TCF20: variants seen among roughly 807,000 people sequenced by gnomAD.
The protein encoded by TCF20 is SPRE-binding protein.
A neutral mutation model predicts 148.6 loss-of-function variants in TCF20; 3 were observed. The observed-to-expected ratio is 0.02, with a 90% CI of 0.01 to 0.05. The LOEUF (loss-of-function observed/expected upper bound fraction) is 0.05, where lower values mean the gene tolerates loss of function less well. Among genes scored for constraint, TCF20 ranks in the 10% least tolerant of loss-of-function variants. The pLI is 1.00. For synonymous variants in TCF20, 1,049 were observed against 909.5 expected, an observed-to-expected ratio of 1.15 and a Z score of -2.76; for missense variants, 2,350 against 2,429.3, an observed-to-expected ratio of 0.97 and a Z score of 0.69.
chr22:42,173,240 A>C (rs1679445055), intron 3 of TCF20, among the ~76,000 whole-genome samples: 1 of 128,632 alleles, frequency 7.8e-6, no homozygotes. Context: ...TAAATACATT[A>C]ATTAAAAAAA....
intron 2 of TCF20, among the ~76,000 whole-genome samples, chr22:42,183,571 T>TC (rs1478383992): frequency 6.6e-6 from 1 of 152,094 alleles, no homozygotes; most frequent in Non-Finnish European, 1.5e-5. Context: ...AAGCATGTTC[T>TC]CCCCTAAGAC....
intron 1 of TCF20, among the ~76,000 whole-genome samples, chr22:42,335,741 G>A (rs979676427): frequency 1.3e-5 from 2 of 152,304 alleles, no homozygotes; most frequent in Admixed American, 1.3e-4. Context: ...TGCGGCAGAA[G>A]CACAGGACGT....
At chr22:42,313,791 G>C (rs1457467924) in intron 1 of TCF20, among the ~76,000 whole-genome samples, 4 of 152,112 alleles carry the variant, frequency 2.6e-5, no homozygotes, top group South Asian at 4.2e-4. Context: ...GTAGAGACAG[G>C]GTTTCGCCAA....
chr22:42,163,782 C>T (rs1044580258), intron 5 of TCF20, among the ~76,000 whole-genome samples: 8 of 152,208 alleles, frequency 5.3e-5, no homozygotes. Flanking sequence ...CGCCCCTGTG[C>T]TGAAGACTGT....
At chr22:42,298,659 T>G (rs1314848427) in intron 1 of TCF20, among the ~76,000 whole-genome samples, 1 of 152,200 alleles carries the variant, frequency 6.6e-6, no homozygotes, top group Non-Finnish European at 1.5e-5. Flanking sequence ...ACATCCCCTG[T>G]GGATAGCTGG....
At position 42,212,042 on chromosome 22, in the gene TCF20, C is replaced by G; in HGVS notation, c.3264G>C (p.Gln1088His). ...ACTCCTCTGGTTGCTGTTGGTACAT[C>G]TGTCTCTTATAATGCAGCTGAGAAT... ...GLNSQLHYKR[Q>H]MYQQQPEEYK... The change falls in exon 2 of 6, where the codon CAG (glutamine) becomes CAC (histidine). Residue 1088 changes from glutamine to histidine, a missense_variant. Physicochemically the swap from Gln to His is conservative, Grantham distance 24. This residue lies in a region of TCF20 where 1,641 missense variants were observed against 1,662.6 expected (regional missense o/e 0.99). Coordinates refer to ENST00000677622, the MANE Select transcript of TCF20 (RefSeq NM_001378418.1). 1 of 1,614,192 alleles carries G rather than the reference C, an allele frequency of 6.2e-7. No homozygotes were observed. The highest frequency in any genetic ancestry group is 8.5e-7 in the Non-Finnish European group (1 of 1,180,042).
chr22:42,270,796 G>A (rs1346461219), upstream of TCF20, among the ~76,000 whole-genome samples: 1 of 146,544 alleles, frequency 6.8e-6, no homozygotes, highest in Non-Finnish European at 1.5e-5. Flanking sequence ...GCCCACCCGC[G>A]TGCGGCGGCG....
At chr22:42,177,032 T>A (rs1358827992) in intron 3 of TCF20, among the ~76,000 whole-genome samples, 2 of 152,200 alleles carry the variant, frequency 1.3e-5, no homozygotes, top group African/African-American at 4.8e-5. Flanking sequence ...TTTGAGACGA[T>A]GGATTTGCTA....
At chr22:42,182,139 C>T (rs1287902810) in intron 2 of TCF20, among the ~76,000 whole-genome samples, 2 of 152,208 alleles carry the variant, frequency 1.3e-5, no homozygotes, top group Non-Finnish European at 2.9e-5. Context: ...AGCCTTGTTA[C>T]AGGAAACTTG....
At chr22:42,242,227 AC>A (rs1184973519) in intron 1 of TCF20, among the ~76,000 whole-genome samples, 32 of 122,730 alleles carry the variant, frequency 2.6e-4, no homozygotes, top group African/African-American at 8.6e-4. Context: ...AAAAAAAAAA[AC>A]AGAAAAGAAA....
intron 1 of TCF20, among the ~76,000 whole-genome samples, chr22:42,330,981 G>A (rs1221451225): frequency 6.6e-6 from 1 of 152,172 alleles, no homozygotes; most frequent in Non-Finnish European, 1.5e-5. Flanking sequence ...AGCCCACCCA[G>A]GGCCGCCACC....
intron 3 of TCF20, among the ~76,000 whole-genome samples, chr22:42,173,397 G>A (rs1234822915): frequency 2.0e-5 from 3 of 152,072 alleles, no homozygotes; most frequent in African/African-American, 4.8e-5. Context: ...AAGGTGGCAG[G>A]AGTCACAGAT....
chr22:42,327,390 C>T (rs771863969), intron 1 of TCF20, among the ~76,000 whole-genome samples: 49 of 152,248 alleles, frequency 3.2e-4, no homozygotes, highest in Non-Finnish European at 6.3e-4. Context: ...ATGAACTCCC[C>T]CTCCCCCAAC....
At chr22:42,239,420 G>GCACT (rs1924189209) in intron 1 of TCF20, among the ~76,000 whole-genome samples, 1 of 150,634 alleles carries the variant, frequency 6.6e-6, no homozygotes, top group Non-Finnish European at 1.5e-5. Context: ...AGATTGCAGT[G>GCACT]AGCCAAAATC....
chr22:42,300,396 A>G (rs1927316379), intron 1 of TCF20, among the ~76,000 whole-genome samples: 1 of 152,184 alleles, frequency 6.6e-6, no homozygotes, highest in Non-Finnish European at 1.5e-5. Flanking sequence ...AACTAAAAAA[A>G]AAAAGAAAAA....
chr22:42,185,664 T>C (rs1350461383), intron 2 of TCF20, among the ~76,000 whole-genome samples: 2 of 152,232 alleles, frequency 1.3e-5, no homozygotes, highest in Non-Finnish European at 2.9e-5. Flanking sequence ...AGCATTTCTT[T>C]GATGCAACTC....
intron 1 of TCF20, among the ~76,000 whole-genome samples, chr22:42,259,583 T>A (rs1925923430): frequency 6.6e-6 from 1 of 152,210 alleles, no homozygotes. Flanking sequence ...TTATACCCTA[T>A]TCCAATATTC....
intron 3 of TCF20, 112 bp downstream of exon 3, chr22:42,179,490 CAAAAAAA>C (rs57857271): frequency 3.4e-4 from 127 of 373,052 alleles, no homozygotes; most frequent in Admixed American, 1.2e-3. Flanking sequence ...TATGAAGTGA[CAAAAAAA>C]AAAAAAAAAA....
At chr22:42,328,012 T>C (rs1927904764) in intron 1 of TCF20, among the ~76,000 whole-genome samples, 1 of 152,158 alleles carries the variant, frequency 6.6e-6, no homozygotes, top group Non-Finnish European at 1.5e-5. Context: ...GAAGCCTCCC[T>C]GACTTCCTTC....
Sources: allele counts gnomAD v4.1 joint callset (sites outside exome capture counted in the v4.1 genomes callset), GRCh38; gene constraint gnomAD v4.1.1; regional missense constraint gnomAD v4.1.1; transcripts MANE v1.5; gene names NCBI Gene and HGNC (gene_info 2026-07-23, HGNC 2026-07-21).